Variants in PCDHA1 observed in about 807,000 individuals in gnomAD.
The protein encoded by PCDHA1 is protocadherin alpha-1.
Under a neutral mutation model 61.3 loss-of-function variants are expected in PCDHA1, and 42 were observed. The observed-to-expected ratio is 0.69, with a 90% CI of 0.54 to 0.89. The LOEUF is 0.89. Ranked by LOEUF, PCDHA1 falls within the 40% of genes least tolerant of loss-of-function variation. The pLI, the probability that PCDHA1 is intolerant of heterozygous loss-of-function variation, is 0.00. For missense variants in PCDHA1, 1,256 were observed against 1,235.3 expected (o/e 1.02, Z -0.25); for synonymous variants, 610 against 553.8 (o/e 1.10, Z -1.43).
chr5:140,850,920 A>G (rs2150502262), intron 1 of PCDHA1: 1 of 1,526,818 alleles, frequency 6.5e-7, no homozygotes, highest in Non-Finnish European at 8.8e-7. Flanking sequence ...ATTTATTTAT[A>G]TAATTTTTTT....
intron 1 of PCDHA1, chr5:140,860,966 T>A (rs2046677867): frequency 6.6e-6 from 1 of 152,238 alleles, no homozygotes; most frequent in African/African-American, 2.4e-5. Context: ...CTAGATCTCC[T>A]GACCTCGTGA....
At chr5:140,910,837 A>G (rs1217601068) in intron 1 of PCDHA1, among the ~76,000 whole-genome samples, 1 of 152,188 alleles carries the variant, frequency 6.6e-6, no homozygotes, top group Non-Finnish European at 1.5e-5. Context: ...GCCTGATCCA[A>G]TGCCTTGGAT....
intron 1 of PCDHA1, among the ~76,000 whole-genome samples, chr5:140,821,231 G>T (rs887712288): frequency 6.6e-6 from 1 of 152,070 alleles, no homozygotes; most frequent in Non-Finnish European, 1.5e-5. Context: ...ATAGAGATGA[G>T]AAAAGTCAAA....
At chr5:140,975,365 A>G (rs186836387) in intron 1 of PCDHA1, among the ~76,000 whole-genome samples, 5 of 152,370 alleles carry the variant, frequency 3.3e-5, no homozygotes, top group Admixed American at 2.0e-4. Context: ...GCTACATAGC[A>G]TAATGTAATC....
chr5:140,966,968 G>C, intron 1 of PCDHA1: 2 of 1,602,616 alleles, frequency 1.2e-6, no homozygotes, highest in Non-Finnish European at 1.7e-6. Context: ...GCTGGGGCTT[G>C]AGCTGCGGCG....
At chr5:140,822,639 A>G (rs1554128778) in intron 1 of PCDHA1, 3 of 1,610,754 alleles carry the variant, frequency 1.9e-6, no homozygotes, top group Admixed American at 1.7e-5. Flanking sequence ...TTGACGATGT[A>G]AAGTCCAAAT....
intron 1 of PCDHA1, among the ~76,000 whole-genome samples, chr5:140,909,158 A>G (rs2074345366): frequency 6.6e-6 from 1 of 152,338 alleles, no homozygotes; most frequent in Non-Finnish European, 1.5e-5. Flanking sequence ...TATGGAAGGG[A>G]AAATCAATCA....
At chr5:140,938,878 C>T (rs1324581693) in intron 1 of PCDHA1, among the ~76,000 whole-genome samples, 3 of 151,098 alleles carry the variant, frequency 2.0e-5, no homozygotes, top group Admixed American at 1.3e-4. Context: ...TAAGAAGCAA[C>T]ACACACACAC....
chr5:141,001,811 C>A (rs1200900455), intron 3 of PCDHA1, among the ~76,000 whole-genome samples: 1 of 152,128 alleles, frequency 6.6e-6, no homozygotes, highest in Non-Finnish European at 1.5e-5. Flanking sequence ...ATTCTACAAT[C>A]GGCCAAATTC....
At chr5:140,841,520 G>T (rs1777298038) in intron 1 of PCDHA1, 2 of 1,613,470 alleles carry the variant, frequency 1.2e-6, no homozygotes, top group East Asian at 2.2e-5. Flanking sequence ...GTTCCGGGTG[G>T]CGTCCAAAAG....
At chr5:140,810,535 G>A (rs1054108701) in intron 1 of PCDHA1, 1 of 152,134 alleles carries the variant, frequency 6.6e-6, no homozygotes, top group Non-Finnish European at 1.5e-5. Flanking sequence ...GGTGACTTTT[G>A]TAATCTCATT....
At chr5:141,009,501 C>G in intron 3 of PCDHA1, 126 bp from the exon 4 acceptor site, 2 of 1,492,598 alleles carry the variant, frequency 1.3e-6, no homozygotes, top group Non-Finnish European at 1.8e-6. Context: ...CAGACTTGAA[C>G]AAACAACTCG....
intron 1 of PCDHA1, chr5:140,825,838 T>A (rs1768731897): frequency 6.6e-6 from 1 of 152,416 alleles, no homozygotes; most frequent in Non-Finnish European, 1.5e-5. Context: ...AAAATAAATA[T>A]ACCATGATAC....
intron 1 of PCDHA1, chr5:140,828,576 T>A (rs1769834472): frequency 1.2e-6 from 2 of 1,614,230 alleles, no homozygotes; most frequent in Non-Finnish European, 1.7e-6. Flanking sequence ...GATGCAGATG[T>A]TGGCTCAAAT....
chr5:140,862,968 G>A (rs1554157319), intron 1 of PCDHA1: 1 of 544,810 alleles, frequency 1.8e-6, no homozygotes, highest in Non-Finnish European at 3.6e-6. Flanking sequence ...GTGGATGCAG[G>A]CCACTTGGTG....
intron 3 of PCDHA1, among the ~76,000 whole-genome samples, chr5:141,005,808 C>T (rs2153985730): frequency 6.6e-6 from 1 of 150,460 alleles, no homozygotes; most frequent in African/African-American, 2.5e-5. Context: ...CTCCAAGGAG[C>T]CAGGTATGGT....
rs2150503431 is a variant in PCDHA1, at chr5:140,850,946, T to C, written c.2394+62262T>C. 14 of 1,504,084 alleles carry C rather than the reference T, an allele frequency of 9.3e-6. 3 individuals are homozygous for C. Among genetic ancestry groups the C allele is most frequent in the Non-Finnish European group, 1.3e-5 (14 of 1,119,924 alleles). 93.2% of individuals were successfully genotyped at this position (1,504,084 alleles called of 1,614,324 possible). A position where few individuals can be genotyped will look rare whatever the true frequency, so the allele number is the denominator to read the frequency against. ...TAATTTTTTTTCTTGAAAGATATTA[T>C]CGATTACTCCCAGGGGCCGTTCAAA... On this transcript the variant is annotated intron_variant, in intron 1 of 3. Coordinates refer to ENST00000504120, the MANE Select transcript of PCDHA1 (RefSeq NM_018900.4).
chr5:140,891,637 G>A (rs1245368138), intron 1 of PCDHA1, among the ~76,000 whole-genome samples: 1 of 151,912 alleles, frequency 6.6e-6, no homozygotes, highest in East Asian at 1.9e-4. Context: ...TGCTCTTTGG[G>A]CTTTATTGTG....
At chr5:140,835,882 G>A (rs1166974775) in intron 1 of PCDHA1, 4 of 1,611,972 alleles carry the variant, frequency 2.5e-6, no homozygotes, top group Non-Finnish European at 2.5e-6. Flanking sequence ...CTGCGGGTGG[G>A]CGAGCGCGCG....
Sources: gnomAD v4.1 joint callset for allele counts (sites outside exome capture counted in the v4.1 genomes callset) on GRCh38, gnomAD v4.1.1 for gene constraint, MANE v1.5 for transcripts, NCBI Gene and HGNC (gene_info 2026-07-23, HGNC 2026-07-21) for gene names.